SND1: variants seen among roughly 807,000 people sequenced by gnomAD.
The protein encoded by SND1 is staphylococcal nuclease and tudor domain containing 1.
A neutral mutation model predicts 121.7 loss-of-function variants in SND1; 38 were observed. That is an observed-to-expected ratio of 0.31 (90% CI 0.24 to 0.41). SND1 has a LOEUF of 0.41. Among genes scored for constraint, SND1 ranks in the 10% least tolerant of loss-of-function variants. The pLI, the probability that SND1 is intolerant of heterozygous loss-of-function variation, is 1.00. For missense variants in SND1, 868 were observed against 1,184.6 expected (o/e 0.73, Z 3.92); for synonymous variants, 401 against 447.4 (o/e 0.90, Z 1.31).
At chr7:127,777,468 C>G (rs893871058) in intron 10 of SND1, among the ~76,000 whole-genome samples, 13 of 152,128 alleles carry the variant, frequency 8.5e-5, no homozygotes, top group African/African-American at 2.9e-4. Context: ...GTCTAGACTT[C>G]CGTCTTAATT....
chr7:127,835,265 G>A (rs1245072655), intron 11 of SND1, among the ~76,000 whole-genome samples: 3 of 152,138 alleles, frequency 2.0e-5, no homozygotes, highest in African/African-American at 4.8e-5. Context: ...AAGATTGGGT[G>A]ACATTGGGTG....
intron 8 of SND1, 82 bp downstream of exon 8, chr7:127,705,027 C>G (rs1796164924): frequency 1.8e-6 from 2 of 1,112,884 alleles, no homozygotes; most frequent in Admixed American, 1.9e-5. Context: ...TTGCTCACAC[C>G]CCTGTGTGTC....
At chr7:127,750,972 G>A (rs893370376) in intron 10 of SND1, among the ~76,000 whole-genome samples, 1 of 152,128 alleles carries the variant, frequency 6.6e-6, no homozygotes, top group African/African-American at 2.4e-5. Context: ...ACTCTGGGAT[G>A]CATGTAATGA....
intron 11 of SND1, among the ~76,000 whole-genome samples, chr7:127,814,490 G>A (rs1798393250): frequency 6.6e-6 from 1 of 151,990 alleles, no homozygotes; most frequent in Non-Finnish European, 1.5e-5. Context: ...AAGTGAGGCT[G>A]GATGCAGATG....
At chr7:127,746,872 AGTAAG>A (rs1195525497) in intron 10 of SND1, among the ~76,000 whole-genome samples, 2 of 152,218 alleles carry the variant, frequency 1.3e-5, no homozygotes, top group East Asian at 3.9e-4. Flanking sequence ...GATATGACTA[AGTAAG>A]GCTGCTAGCA....
At chr7:127,766,863 G>A (rs901378766) in intron 10 of SND1, among the ~76,000 whole-genome samples, 5 of 142,018 alleles carry the variant, frequency 3.5e-5, no homozygotes, top group Admixed American at 7.2e-5. Context: ...GTGCAACTAT[G>A]TATTTTTCTG....
In SND1 at chr7:128,029,756, C is replaced by T; in HGVS notation, c.1779+38700C>T. 6.2e-7 allele frequency: 1 copy of T among 1,613,154 alleles called. No individual in the cohort carries two copies. Among genetic ancestry groups the T allele is most frequent in the Admixed American group, 1.7e-5 (1 of 59,954 alleles). ...AGTTCCAAGGGTTGTGGTGTAGATG[C>T]AACTCCACCAGGTACCTCAGCGGGG... On this transcript the variant is annotated intron_variant, in intron 16 of 23. Transcript: ENST00000354725. This position sits in a 1 kb window ranked among gnomAD's most constrained non-coding sequence, Gnocchi z 4.2.
At chr7:127,900,200 C>T (rs1042690261) in intron 13 of SND1, among the ~76,000 whole-genome samples, 1 of 152,128 alleles carries the variant, frequency 6.6e-6, no homozygotes, top group Non-Finnish European at 1.5e-5. Context: ...ACTATGTCCC[C>T]AGGTTAAGAA....
intron 10 of SND1, among the ~76,000 whole-genome samples, chr7:127,726,065 G>C (rs1333371785): frequency 6.6e-6 from 1 of 152,012 alleles, no homozygotes; most frequent in East Asian, 1.9e-4. Context: ...TGAGCTTTTT[G>C]CCTATGGCTA....
chr7:127,789,482 G>C (rs1797871852), intron 10 of SND1, among the ~76,000 whole-genome samples: 1 of 152,188 alleles, frequency 6.6e-6, no homozygotes, highest in Admixed American at 6.5e-5. Flanking sequence ...GGAATTTCAT[G>C]TTTCTCACTG....
chr7:127,992,460 A>G (rs773144104), intron 16 of SND1, among the ~76,000 whole-genome samples: 5 of 152,238 alleles, frequency 3.3e-5, no homozygotes, highest in Non-Finnish European at 7.3e-5. Context: ...AATGAACTGC[A>G]AAGTAACTAT....
intron 16 of SND1, among the ~76,000 whole-genome samples, chr7:128,069,961 A>G (rs998806568): frequency 3.3e-5 from 5 of 152,194 alleles, no homozygotes; most frequent in Admixed American, 6.5e-5. Flanking sequence ...TCCCGGAGAA[A>G]GTGGCATTGA....
At chr7:127,916,192 T>C (rs1800576592) in intron 14 of SND1, among the ~76,000 whole-genome samples, 1 of 152,140 alleles carries the variant, frequency 6.6e-6, no homozygotes, top group African/African-American at 2.4e-5. Flanking sequence ...GATTGCTGAA[T>C]AGTGGCTGGA....
chr7:128,048,169 G>A (rs1015033642), intron 16 of SND1, among the ~76,000 whole-genome samples: 4 of 151,984 alleles, frequency 2.6e-5, no homozygotes, highest in Non-Finnish European at 2.9e-5. Flanking sequence ...TTCTTATCTG[G>A]ACTTCAGAGA....
At chr7:127,891,622 A>G (rs1476769005) in intron 13 of SND1, among the ~76,000 whole-genome samples, 1 of 151,884 alleles carries the variant, frequency 6.6e-6, no homozygotes, top group African/African-American at 2.4e-5. Context: ...CTGTCAATGC[A>G]TTTTCTCTAC....
At chr7:127,816,686 C>CA (rs1189236603) in intron 11 of SND1, among the ~76,000 whole-genome samples, 8 of 121,600 alleles carry the variant, frequency 6.6e-5, no homozygotes, top group African/African-American at 2.3e-4. Context: ...TTTTTTGTAA[C>CA]AGTGTCTCGC....
chr7:128,077,442 C>G (rs1251853181), intron 17 of SND1, among the ~76,000 whole-genome samples: 1 of 152,180 alleles, frequency 6.6e-6, no homozygotes, highest in Non-Finnish European at 1.5e-5. Context: ...ACACAAGGAG[C>G]CCCAAAGTGT....
intron 10 of SND1, among the ~76,000 whole-genome samples, chr7:127,792,833 C>G (rs80164449): frequency 6.6e-6 from 1 of 152,170 alleles, no homozygotes; most frequent in Non-Finnish European, 1.5e-5. Flanking sequence ...GCTGCTGGAA[C>G]AAGCTACCAT....
At chr7:128,081,097 A>G (rs993969980) in intron 17 of SND1, among the ~76,000 whole-genome samples, 1 of 152,030 alleles carries the variant, frequency 6.6e-6, no homozygotes, top group Non-Finnish European at 1.5e-5. Flanking sequence ...CCCAGGTTCA[A>G]GCGATTCTCC....
Sources: allele counts gnomAD v4.1 joint callset (sites outside exome capture counted in the v4.1 genomes callset), GRCh38; gene constraint gnomAD v4.1.1; non-coding constraint Gnocchi (gnomAD v3.1); transcripts MANE v1.5; gene names NCBI Gene and HGNC (gene_info 2026-07-23, HGNC 2026-07-21).